The following CDCP2 variants were observed in gnomAD, a reference collection of about 807,000 sequenced individuals.
CDCP2 encodes CUB domain-containing protein 2.
In CDCP2, 31 loss-of-function variants were observed where a neutral mutation model predicts 31.0. The observed-to-expected ratio is 1.00, with a 90% confidence interval of 0.75 to 1.35. The LOEUF is 1.35. Among genes scored for constraint, CDCP2 ranks in the 40% most tolerant of loss-of-function variants. CDCP2 has a pLI of 0.00. For missense variants in CDCP2, 443 were observed against 482.6 expected (o/e 0.92, Z 0.77); for synonymous variants, 206 against 207.9 (o/e 0.99, Z 0.08).
chr1:54,152,764 G>GTAGAAACTTC, intron 1 of CDCP2, 80 bp downstream of exon 1: 1 of 1,370,192 alleles, frequency 7.3e-7, no homozygotes, highest in Non-Finnish European at 1.0e-6. Flanking sequence ...GGCTTCCCAT[G>GTAGAAACTTC]TAGAAACTTC....
intron 3 of CDCP2, 91 bp downstream of exon 3, chr1:54,141,007 G>T: frequency 9.1e-7 from 1 of 1,100,988 alleles, no homozygotes; most frequent in Non-Finnish European, 1.3e-6. Flanking sequence ...GGCTGCGGGG[G>T]GCAGAAAGGT....
chr1:54,145,874 G>C (rs973886501), intron 1 of CDCP2, among the ~76,000 whole-genome samples: 2 of 152,124 alleles, frequency 1.3e-5, no homozygotes, highest in Non-Finnish European at 2.9e-5. Context: ...TCAAAACAAA[G>C]TTAAGTAACC....
At chr1:54,140,802 A>G in intron 3 of CDCP2, 1 of 299,406 alleles carries the variant, frequency 3.3e-6, no homozygotes, top group Non-Finnish European at 6.2e-6. Flanking sequence ...TCAGTCAGAC[A>G]GGGGAGATTG....
At chr1:54,147,899 C>T (rs551323062) in intron 1 of CDCP2, among the ~76,000 whole-genome samples, 4 of 151,448 alleles carry the variant, frequency 2.6e-5, no homozygotes, top group Non-Finnish European at 5.9e-5. Flanking sequence ...GTGGTCCCAG[C>T]TGCTTGGGAG....
At chr1:54,144,139 C>T (rs909620832) in intron 2 of CDCP2, 38 of 239,320 alleles carry the variant, frequency 1.6e-4, no homozygotes, top group African/African-American at 7.5e-4. Context: ...GAAACGGAGG[C>T]GGCATGGGGA....
At chr1:54,139,790 G>A (rs1460036735) in exon 4 of CDCP2, 2 of 1,614,236 alleles carry the variant, frequency 1.2e-6, no homozygotes, top group Admixed American at 3.3e-5. Flanking sequence ...TGCGGGTGGT[G>A]CTGCGGTCTG....
rs140352972 is a variant in CDCP2, at chr1:54,134,105, G to A, written c.1297-811C>T. Among the ~76,000 whole-genome samples the A allele has an allele frequency of 5.9e-5, 9 of 152,168 alleles. No homozygotes were observed. In the East Asian group the frequency reaches 7.7e-4, roughly 13 times the overall value. On this transcript the variant is annotated intron_variant, in intron 5 of 5. Transcript: ENST00000530059. ...ACCAAAGGGGGCTTTTCAAAGCATC[G>A]ACTCCAATCCCCCATCCTTGGCAAA...
rs528949663 is a variant in CDCP2 at position 54,135,841 on chromosome 1, G to T, written c.1296+789C>A. Reference sequence around the variant, plus strand: ...AATGTTGGGAGGCGGGGGAGGGTTTGCTGGAAAGCACATAATTTCTGCTAA... The same window carrying T: ...AATGTTGGGAGGCGGGGGAGGGTTTTCTGGAAAGCACATAATTTCTGCTAA... On this transcript the variant is annotated intron_variant, in intron 5 of 5. Coordinates refer to ENST00000530059, the Ensembl canonical transcript of CDCP2. 7.6e-4 allele frequency among the ~76,000 whole-genome samples: 116 copies of T among 152,302 alleles called. 1 individual carries two copies. The highest frequency in any genetic ancestry group is 2.7e-3 in the African/African-American group (111 of 41,550).
At chr1:54,148,974 A>ATATAT (rs149408012) in intron 1 of CDCP2, among the ~76,000 whole-genome samples, 55 of 146,284 alleles carry the variant, frequency 3.8e-4, no homozygotes, top group Admixed American at 1.0e-3. Flanking sequence ...TTAAAAAAAA[A>ATATAT]ATATATATAT....
chr1:54,152,799 C>T (rs775595656), intron 1 of CDCP2, 45 bp downstream of exon 1: 2 of 1,560,044 alleles, frequency 1.3e-6, no homozygotes, highest in South Asian at 1.1e-5. Flanking sequence ...GTTGCCTGCC[C>T]ACCTCCTTCC....
exon 2 of CDCP2, chr1:54,144,518 G>C (rs1659426697): frequency 6.2e-7 from 1 of 1,607,804 alleles, no homozygotes; most frequent in Non-Finnish European, 8.5e-7. Flanking sequence ...TGTCCGAGTG[G>C]AAGATGACAG....
chr1:54,144,432 C>G (rs1659424312), intron 2 of CDCP2, 34 bp downstream of exon 2: 3 of 1,523,276 alleles, frequency 2.0e-6, no homozygotes, highest in Non-Finnish European at 2.7e-6. Context: ...CAGGTGTGAG[C>G]CACTGCAACA....
chr1:54,142,697 A>C (rs1659394754), intron 2 of CDCP2: 1 of 152,226 alleles, frequency 6.6e-6, no homozygotes, highest in South Asian at 2.1e-4. Context: ...CAGCCATGTA[A>C]CTTTAGGAAG....
chr1:54,136,939 C>T (rs975123369), intron 4 of CDCP2, 131 bp from the exon 5 acceptor site: 5 of 397,626 alleles, frequency 1.3e-5, no homozygotes, highest in South Asian at 1.4e-4. Flanking sequence ...AAAGCTCTTA[C>T]GGAATCCTAC....
intron 5 of CDCP2, 133 bp from the exon 6 acceptor site, chr1:54,133,427 A>G: frequency 2.5e-6 from 1 of 397,720 alleles, no homozygotes; most frequent in Non-Finnish European, 4.4e-6. Context: ...TCTGAGCCTC[A>G]GTGATCCCAT....
chr1:54,141,034 T>G (rs1659359635), intron 3 of CDCP2, 64 bp downstream of exon 3: 1 of 1,376,752 alleles, frequency 7.3e-7, no homozygotes, highest in Non-Finnish European at 9.8e-7. Flanking sequence ...CCTGCAAGTG[T>G]AATGGGGAGA....
intron 1 of CDCP2, among the ~76,000 whole-genome samples, chr1:54,150,289 T>C (rs1382801392): frequency 6.6e-6 from 1 of 152,198 alleles, no homozygotes; most frequent in African/African-American, 2.4e-5. Flanking sequence ...CTGACTCTTT[T>C]AAATTTTTTA....
chr1:54,135,780 G>A (rs1332504675), intron 5 of CDCP2, among the ~76,000 whole-genome samples: 4 of 152,188 alleles, frequency 2.6e-5, no homozygotes, highest in African/African-American at 9.7e-5. Flanking sequence ...GGCAGGCAGA[G>A]GGTGGCCTGG....
rs776165502 is a variant in CDCP2, at chr1:54,141,098, C to A, written c.763G>T (p.Gly255Ter). Residue 255 changes from glycine (G) to a stop codon, truncating the protein, a stop_gained and splice_region_variant, in exon 3 of 6, where the codon GGA becomes TGA. Transcript: ENST00000530059. LOFTEE classifies it high-confidence loss of function. ...AGGGTGGAGCGCCAGCCCCTCCTAC[C>A]TGAGAAGTAGTAGGCCTTGAAGCCA... 1.1e-5 allele frequency: 17 copies of A among 1,519,482 alleles called. No individual in the cohort carries two copies. The highest frequency in any genetic ancestry group is 1.5e-5 in the Non-Finnish European group (17 of 1,135,034). 94.1% of individuals were successfully genotyped at this position (1,519,482 alleles called of 1,614,324 possible). A position where few individuals can be genotyped will look rare whatever the true frequency, so the allele number is the denominator to read the frequency against.
Sources: allele counts gnomAD v4.1 joint callset (sites outside exome capture counted in the v4.1 genomes callset), GRCh38; gene constraint gnomAD v4.1.1; transcripts MANE v1.5; gene names NCBI Gene and HGNC (gene_info 2026-07-23, HGNC 2026-07-21).